Variants in ESPNL observed in about 807,000 individuals in gnomAD.
ESPNL encodes espin-like protein.
Under a neutral mutation model 46.8 loss-of-function variants are expected in ESPNL, and 49 were observed. That is an observed-to-expected ratio of 1.05 (90% CI 0.83 to 1.33). The LOEUF (loss-of-function observed/expected upper bound fraction) is 1.33. Ranked by LOEUF, ESPNL falls within the 40% of genes most tolerant of loss-of-function variation. The pLI is 0.00. For missense variants in ESPNL, 1,540 were observed against 1,436.6 expected (o/e 1.07, Z -1.16); for synonymous variants, 664 against 662.1 (o/e 1.00, Z -0.04).
rs566681366 is a variant in ESPNL at position 238,128,676 on chromosome 2, G to C, written c.1216-31G>C. ...TCCACTCAGGGCCTGGGTCCCCTTC[G>C]GGCCTGTGTGACCCACCCCCTTCTG... is the stretch of plus-strand genomic sequence containing the variant. On this transcript the variant is annotated intron_variant, in intron 7 of 8. Transcript: ENST00000343063. 2.8e-4 allele frequency: 431 copies of C among 1,566,804 alleles called. 3 individuals are homozygous for C. In the East Asian group the frequency reaches 0.01, roughly 37 times the overall value.
intron 7 of ESPNL, among the ~76,000 whole-genome samples, chr2:238,128,468 C>A (rs985402759): frequency 6.6e-6 from 1 of 152,162 alleles, no homozygotes; most frequent in Non-Finnish European, 1.5e-5. Context: ...CATTTCTCTG[C>A]CGACAATCCC....
chr2:238,109,198 G>A (rs1179052855), intron 4 of ESPNL, among the ~76,000 whole-genome samples: 1 of 152,204 alleles, frequency 6.6e-6, no homozygotes, highest in Non-Finnish European at 1.5e-5. Context: ...CTCAGAAGGG[G>A]TAAGTGGCCC....
chr2:238,120,430 C>T (rs1691960751), intron 5 of ESPNL, among the ~76,000 whole-genome samples: 1 of 152,232 alleles, frequency 6.6e-6, no homozygotes, highest in Non-Finnish European at 1.5e-5. Context: ...TGACACTGTT[C>T]CCGCCCCAGC....
intron 6 of ESPNL, among the ~76,000 whole-genome samples, chr2:238,126,921 C>CTGTGTGTCTGTGATTGTGTG (rs1553574029): frequency 5.5e-5 from 8 of 146,640 alleles, no homozygotes; most frequent in Non-Finnish European, 1.2e-4. Flanking sequence ...ATGATCGTGT[C>CTGTGTGTCTGTGATTGTGTG]TGTGTGTCTG....
At chr2:238,119,971 G>A (rs1460116345) in intron 5 of ESPNL, among the ~76,000 whole-genome samples, 1 of 152,200 alleles carries the variant, frequency 6.6e-6, no homozygotes. Flanking sequence ...CAGTCCTGCC[G>A]TGCTGCACAG....
At chr2:238,117,422 C>T (rs559798646) in intron 5 of ESPNL, among the ~76,000 whole-genome samples, 7 of 152,300 alleles carry the variant, frequency 4.6e-5, no homozygotes, top group Non-Finnish European at 8.8e-5. Flanking sequence ...GTCTGGGTCA[C>T]AGAGACCACA....
chr2:238,124,595 G>GTGTACGTGTGTGTGCAGGAGAA (rs1692057326), intron 5 of ESPNL, among the ~76,000 whole-genome samples: 1 of 151,640 alleles, frequency 6.6e-6, no homozygotes, highest in Non-Finnish European at 1.5e-5. Flanking sequence ...GTGCAGGAGA[G>GTGTACGTGTGTGTGCAGGAGAA]TGTACGTGTG....
At chr2:238,111,787 A>T (rs1376695890) in intron 4 of ESPNL, among the ~76,000 whole-genome samples, 3 of 152,168 alleles carry the variant, frequency 2.0e-5, no homozygotes, top group Non-Finnish European at 4.4e-5. Flanking sequence ...AATCTTTTGG[A>T]TATGTATACC....
Position 238,125,320 on chromosome 2 carries a change from G to C in ESPNL, c.1038G>C (p.Leu346=), listed in dbSNP as rs745599520. 3.2e-6 allele frequency: 5 copies of C among 1,572,472 alleles called. No individual in the cohort carries two copies. Among genetic ancestry groups the C allele is most frequent in the Non-Finnish European group, 4.3e-6 (5 of 1,159,376 alleles). Residue 346 remains leucine, a synonymous_variant, in exon 6 of 9, where the codon CTG becomes CTC. Transcript: ENST00000343063. The part of the protein sequence containing the change: ...PPPPPFPPPP[L]LATRRSLEDG... ...CACCACCGTTCCCCCCACCTCCACT[G>C]TTGGCCACGAGGCGCTCCCTGGAGG...
At position 238,130,112 on chromosome 2, in the gene ESPNL, C is replaced by T. The variant is rs374568058; in HGVS notation, c.1414-16C>T. 3.5e-5 allele frequency: 56 copies of T among 1,598,438 alleles called. No individual in the cohort carries two copies. Among genetic ancestry groups the T allele is most frequent in the Admixed American group, 2.9e-4 (17 of 59,390 alleles). On this transcript the variant is annotated splice_polypyrimidine_tract_variant and intron_variant, in intron 8 of 8. Transcript: ENST00000343063. ...GGGTGGGCTCACCCTGCTCACCCTG[C>T]CCTTCCTGTGCCCAGGACAATGGTG...
chr2:238,124,692 TACGTGCATGTGTGTG>T (rs1692062325), intron 5 of ESPNL, among the ~76,000 whole-genome samples: 2 of 98,260 alleles, frequency 2.0e-5, no homozygotes, highest in South Asian at 6.2e-4. Context: ...TGCAGGAGAG[TACGTGCATGTGTGTG>T]CAGGAGAGTA....
intron 6 of ESPNL, among the ~76,000 whole-genome samples, chr2:238,127,088 G>A (rs980464694): frequency 3.0e-5 from 3 of 99,206 alleles, no homozygotes; most frequent in African/African-American, 6.3e-5. Flanking sequence ...CTGTGTGTAT[G>A]ATTGTGTCTG....
At chr2:238,129,605 G>A (rs187364952) in intron 8 of ESPNL, among the ~76,000 whole-genome samples, 20 of 152,334 alleles carry the variant, frequency 1.3e-4, no homozygotes, top group South Asian at 8.3e-4. Context: ...CAGGCTCCCC[G>A]GGCTGCTGTG....
chr2:238,106,924 T>C (rs962022794), intron 3 of ESPNL, among the ~76,000 whole-genome samples: 11 of 152,242 alleles, frequency 7.2e-5, no homozygotes, highest in African/African-American at 2.7e-4. Context: ...TTCTGAGTAC[T>C]GATCAGTCAG....
At chr2:238,101,276 C>T (rs1691468827) in intron 1 of ESPNL, among the ~76,000 whole-genome samples, 2 of 56,724 alleles carry the variant, frequency 3.5e-5, no homozygotes, top group Non-Finnish European at 5.8e-5. Context: ...GGCCTTAGAA[C>T]GCCGCCGCCC....
At chr2:238,123,979 G>A (rs1185248370) in intron 5 of ESPNL, among the ~76,000 whole-genome samples, 3 of 152,214 alleles carry the variant, frequency 2.0e-5, no homozygotes, top group Non-Finnish European at 4.4e-5. Flanking sequence ...GGAGGCTTAG[G>A]GAGGCCAGAG....
Position 238,130,632 on chromosome 2 carries a change from G to C in ESPNL, c.1918G>C (p.Glu640Gln), listed in dbSNP as rs773967146. 6.4e-7 allele frequency: 1 copy of C among 1,561,682 alleles called. No individual in the cohort carries two copies. Among genetic ancestry groups the C allele is most frequent in the Non-Finnish European group, 8.7e-7 (1 of 1,153,136 alleles). Residue 640 changes from glutamate to glutamine, a missense_variant, in exon 9 of 9, where the codon GAG becomes CAG. Transcript: ENST00000343063. ...REASASPPRS[E>Q]AQRQIQEWGV... The stretch of plus-strand genomic sequence containing the variant: ...GGCCTCGGCCAGCCCCCCTCGGAGC[G>C]AGGCCCAGCGCCAGATCCAGGAGTG...
In ESPNL at chr2:238,125,336, T is replaced by A. The variant is rs1490067299; in HGVS notation, c.1054T>A (p.Ser352Thr). The A allele has an allele frequency of 1.3e-6, 2 of 1,574,610 alleles. No individual in the cohort carries two copies. The highest frequency in any genetic ancestry group is 1.7e-6 in the Non-Finnish European group (2 of 1,160,564). ...ACCTCCACTGTTGGCCACGAGGCGC[T>A]CCCTGGAGGATGGAAGAAGAGGAGG... The part of the protein sequence containing the change: ...PPPPLLATRR[S>T]LEDGRRGGPG... The change falls in exon 6 of 9, where the codon TCC (serine) becomes ACC (threonine). Residue 352 changes from serine (S) to threonine (T), a missense_variant. Transcript: ENST00000343063.
In ESPNL at chr2:238,131,315, G is replaced by T; in HGVS notation, c.2601G>T (p.Glu867Asp). Residue 867 changes from glutamate (E) to aspartate (D), a missense_variant, in exon 9 of 9, where the codon GAG (glutamate) becomes GAT (aspartate). By Grantham distance (45) the Glu-to-Asp change is conservative. Transcript: ENST00000343063. ...LFMLGYFQLL[E>D]CDLPAEERKL... is the part of the protein sequence containing the mutation. ...TGCTGGGTTACTTCCAGCTGCTGGAGTGCGACCTGCCGGCGGAGGAGCGGA... is the reference window on the plus strand; with the variant it reads ...TGCTGGGTTACTTCCAGCTGCTGGATTGCGACCTGCCGGCGGAGGAGCGGA... 6.3e-7 allele frequency: 1 copy of T among 1,585,398 alleles called. No individual in the cohort carries two copies.
Sources: allele counts gnomAD v4.1 joint callset (sites outside exome capture counted in the v4.1 genomes callset), GRCh38; gene constraint gnomAD v4.1.1; transcripts MANE v1.5; gene names NCBI Gene and HGNC (gene_info 2026-07-23, HGNC 2026-07-21).